SUN1: variants seen among roughly 807,000 people sequenced by gnomAD.
SUN1 encodes the protein SUN domain-containing protein 1.
A neutral mutation model predicts 103.2 loss-of-function variants in SUN1; 61 were observed. The observed-to-expected ratio is 0.59, with a 90% confidence interval of 0.48 to 0.73. SUN1 has a LOEUF of 0.73. Ranked by LOEUF, SUN1 falls within the 30% of genes least tolerant of loss-of-function variation. The pLI, the probability that SUN1 is intolerant of heterozygous loss-of-function variation, is 0.00. For synonymous variants in SUN1, 490 were observed against 425.7 expected, an observed-to-expected ratio of 1.15 and a Z score of -1.86; for missense variants, 1,052 against 1,034.6, an observed-to-expected ratio of 1.02 and a Z score of -0.23.
At chr7:831,154 G>C, upstream of SUN1, 7 of 411,070 alleles carry the variant, frequency 1.7e-5, no homozygotes, top group Non-Finnish European at 2.3e-5. Context: ...ATTTGCAAAA[G>C]GCTGTTGAAG....
In SUN1 at chr7:838,807, T is replaced by C; in HGVS notation, c.87T>C (p.Tyr29=). 6.5e-7 allele frequency: 1 copy of C among 1,548,888 alleles called. No homozygotes were observed. Among genetic ancestry groups the C allele is most frequent in the African/African-American group, 1.4e-5 (1 of 73,552 alleles). Reference sequence around the variant, plus strand: ...AGCTTTTTCCTTCTAGTTCCAGCTATTCTTCAGATGCTCTGGATTTTGAGA... The same window carrying C: ...AGCTTTTTCCTTCTAGTTCCAGCTACTCTTCAGATGCTCTGGATTTTGAGA... ...TGYTYALSSS[Y]SSDALDFETE... Residue 29 remains tyrosine, a synonymous_variant, in exon 2 of 19, where the codon TAT becomes TAC. Transcript: ENST00000401592.
At chr7:846,851 A>G (rs1211990168) in intron 5 of SUN1, among the ~76,000 whole-genome samples, 2 of 152,056 alleles carry the variant, frequency 1.3e-5, no homozygotes, top group East Asian at 1.9e-4. Flanking sequence ...CTTCTCAACA[A>G]AAAATACAAA....
At chr7:870,887 CTTTTT>C (rs59711259) in intron 17 of SUN1, among the ~76,000 whole-genome samples, 4 of 101,078 alleles carry the variant, frequency 4.0e-5, no homozygotes, top group African/African-American at 8.5e-5. Flanking sequence ...TATTTTCTTT[CTTTTT>C]TTTTTTTTTT....
upstream of SUN1, among the ~76,000 whole-genome samples, chr7:831,600 C>T (rs1361179525): frequency 6.6e-6 from 1 of 152,206 alleles, no homozygotes; most frequent in Non-Finnish European, 1.5e-5. Context: ...GGAGTTTCAT[C>T]ATGCTTGTCG....
chr7:860,738 T>G (rs1372141039), intron 14 of SUN1, among the ~76,000 whole-genome samples: 1 of 152,206 alleles, frequency 6.6e-6, no homozygotes, highest in Non-Finnish European at 1.5e-5. Context: ...GCTGGGCAAT[T>G]TAGAAAGGAT....
At chr7:828,716 TTGTC>T (rs1288997276), upstream of SUN1, among the ~76,000 whole-genome samples, 6 of 152,204 alleles carry the variant, frequency 3.9e-5, no homozygotes, top group African/African-American at 1.4e-4. Context: ...GGGAGAGACT[TTGTC>T]TGGGTGACAG....
chr7:835,571 C>A (rs1163726207), intron 1 of SUN1, among the ~76,000 whole-genome samples: 1 of 152,110 alleles, frequency 6.6e-6, no homozygotes, highest in Non-Finnish European at 1.5e-5. Flanking sequence ...ATCTGTAATT[C>A]TTGTCAACTG....
chr7:840,549 G>T (rs373559655), intron 2 of SUN1, among the ~76,000 whole-genome samples: 14 of 152,106 alleles, frequency 9.2e-5, no homozygotes, highest in African/African-American at 3.1e-4. Flanking sequence ...CCTGACGGTG[G>T]TAACATTCAC....
chr7:873,136 C>A, intron 18 of SUN1, 79 bp from the exon 19 acceptor site: 3 of 1,274,724 alleles, frequency 2.4e-6, no homozygotes, highest in South Asian at 1.2e-5. Flanking sequence ...TCCTGTCAGA[C>A]GTCATATTTG....
At chr7:839,224 C>T (rs993247285) in intron 2 of SUN1, 12 of 431,058 alleles carry the variant, frequency 2.8e-5, no homozygotes, top group Non-Finnish European at 4.8e-5. Flanking sequence ...GTTCTTGTTT[C>T]AAGTTCTCTT....
At chr7:842,975 C>T in intron 3 of SUN1, 1 of 637,762 alleles carries the variant, frequency 1.6e-6, no homozygotes, top group Non-Finnish European at 2.8e-6. Context: ...AGGCCAGGTG[C>T]TGTGTGTGCT....
intron 5 of SUN1, among the ~76,000 whole-genome samples, chr7:847,147 G>A (rs926466765): frequency 3.9e-5 from 6 of 152,234 alleles, no homozygotes; most frequent in African/African-American, 1.4e-4. Context: ...TGTGTGAACA[G>A]CATTGGAGTG....
intron 2 of SUN1, 54 bp from the exon 3 acceptor site, chr7:841,892 A>G (rs950522872): frequency 1.3e-6 from 2 of 1,572,510 alleles, no homozygotes; most frequent in Non-Finnish European, 1.7e-6. Context: ...AAATGTAATC[A>G]TTTTGTATTT....
chr7:832,723 AAAAAT>A, intron 1 of SUN1, 122 bp downstream of exon 1: 1 of 764,944 alleles, frequency 1.3e-6, no homozygotes, highest in Non-Finnish European at 2.2e-6. Flanking sequence ...GAAGGTGAAA[AAAAAT>A]AATAAACTGT....
In SUN1 at chr7:874,357, T is replaced by G. The variant is rs553566417; in HGVS notation, c.*1026T>G. 17 of 152,726 alleles carry G rather than the reference T, an allele frequency of 1.1e-4. No homozygotes were observed. Among genetic ancestry groups the G allele is most frequent in the African/African-American group, 3.8e-4 (16 of 41,588 alleles). The allele number at this position is 152,726 out of a possible 1,614,324, so 9.5% of individuals were successfully genotyped here. A position where few individuals can be genotyped will look rare whatever the true frequency, so the allele number is the denominator to read the frequency against. The stretch of plus-strand genomic sequence containing the variant: ...AGACTCTTTTTGGTTATAATTACTA[T>G]TTAATATTTAGACTATTTTACTGAG... On this transcript the variant is annotated 3_prime_UTR_variant, in exon 19 of 19. Transcript: ENST00000401592.
chr7:834,192 G>A (rs1350669290), intron 1 of SUN1, among the ~76,000 whole-genome samples: 1 of 151,770 alleles, frequency 6.6e-6, no homozygotes, highest in African/African-American at 2.4e-5. Flanking sequence ...GCTGGGCTGG[G>A]AATTTAGACT....
intron 16 of SUN1, 108 bp downstream of exon 16, chr7:866,175 T>C (rs1836366473): frequency 1.1e-6 from 1 of 917,242 alleles, no homozygotes; most frequent in African/African-American, 1.6e-5. Context: ...TGAACACGTC[T>C]GTGGAACTGG....
At chr7:839,922 T>A (rs1207808663) in intron 2 of SUN1, among the ~76,000 whole-genome samples, 1 of 152,244 alleles carries the variant, frequency 6.6e-6, no homozygotes, top group African/African-American at 2.4e-5. Flanking sequence ...TTTAGGTTAT[T>A]TACCTATATT....
At chr7:839,991 A>G (rs1219788524) in intron 2 of SUN1, among the ~76,000 whole-genome samples, 1 of 152,250 alleles carries the variant, frequency 6.6e-6, no homozygotes, top group Non-Finnish European at 1.5e-5. Context: ...CTGTGCAGAG[A>G]AGGAACAAAA....
Sources: gnomAD v4.1 joint callset for allele counts (sites outside exome capture counted in the v4.1 genomes callset) on GRCh38, gnomAD v4.1.1 for gene constraint, MANE v1.5 for transcripts, NCBI Gene and HGNC (gene_info 2026-07-23, HGNC 2026-07-21) for gene names.